Variants in GBE1 observed in about 807,000 individuals in gnomAD.
The protein encoded by GBE1 is 1,4-alpha-glucan-branching enzyme.
Under a neutral mutation model 88.8 loss-of-function variants are expected in GBE1, and 70 were observed. That is an observed-to-expected ratio of 0.79 (90% confidence interval 0.65 to 0.96). The LOEUF (loss-of-function observed/expected upper bound fraction) is 0.96. Ranked by LOEUF, GBE1 falls within the 40% of genes least tolerant of loss-of-function variation. The probability of loss-of-function intolerance (pLI) is 0.00; values close to 1 mark genes in which losing one functional copy is unlikely to be tolerated. For missense variants in GBE1, 872 were observed against 871.0 expected, an observed-to-expected ratio of 1.00 and a Z score of -0.01; for synonymous variants, 284 against 300.1, an observed-to-expected ratio of 0.95 and a Z score of 0.56.
intron 8 of GBE1, among the ~76,000 whole-genome samples, chr3:81,592,320 T>C (rs1261051611): frequency 6.6e-6 from 1 of 152,122 alleles, no homozygotes; most frequent in African/African-American, 2.4e-5. Flanking sequence ...CTGGCAACCA[T>C]CATTCAACTA....
At chr3:81,654,869 T>G (rs542786308) in intron 3 of GBE1, 1 of 152,320 alleles carries the variant, frequency 6.6e-6, no homozygotes, top group Admixed American at 6.5e-5. Flanking sequence ...TTTTGATATA[T>G]GTACACATAA....
At chr3:81,702,435 C>T (rs1420437402) in intron 2 of GBE1, among the ~76,000 whole-genome samples, 5 of 151,916 alleles carry the variant, frequency 3.3e-5, no homozygotes, top group African/African-American at 9.7e-5. Flanking sequence ...AAAAAGACAT[C>T]CTTTCTTCTA....
chr3:81,517,233 C>G (rs1029232103), intron 14 of GBE1, among the ~76,000 whole-genome samples: 6 of 151,502 alleles, frequency 4.0e-5, no homozygotes, highest in African/African-American at 1.5e-4. Flanking sequence ...CCATTAACAT[C>G]AAGGCAAGAG....
intron 14 of GBE1, among the ~76,000 whole-genome samples, chr3:81,518,949 G>A (rs1276715800): frequency 6.6e-6 from 1 of 151,546 alleles, no homozygotes; most frequent in East Asian, 1.9e-4. Context: ...TGGAAAACTA[G>A]AAAGTTGAGA....
intron 12 of GBE1, among the ~76,000 whole-genome samples, chr3:81,569,245 CTAATT>C (rs1370171320): frequency 1.3e-5 from 2 of 151,994 alleles, no homozygotes; most frequent in Non-Finnish European, 2.9e-5. Context: ...ATTAAAAAAA[CTAATT>C]TAAATGTAGG....
intron 1 of GBE1, among the ~76,000 whole-genome samples, chr3:81,710,132 T>A (rs1016680908): frequency 6.6e-6 from 1 of 151,752 alleles, no homozygotes; most frequent in African/African-American, 2.4e-5. Context: ...CACACATCAT[T>A]AATCACAAAA....
chr3:81,509,381 A>T (rs1409698102), intron 14 of GBE1: 3 of 151,218 alleles, frequency 2.0e-5, no homozygotes, highest in Non-Finnish European at 4.4e-5. Context: ...TCCTACCTGA[A>T]AATTAAATAC....
At chr3:81,519,466 C>T (rs1024454500) in intron 14 of GBE1, among the ~76,000 whole-genome samples, 2 of 151,222 alleles carry the variant, frequency 1.3e-5, no homozygotes, top group African/African-American at 4.8e-5. Context: ...CTATCATTTC[C>T]ACTCCCACCT....
intron 14 of GBE1, among the ~76,000 whole-genome samples, chr3:81,508,540 CT>C (rs1007799086): frequency 6.6e-6 from 1 of 152,058 alleles, no homozygotes; most frequent in Non-Finnish European, 1.5e-5. Context: ...AGACTCAACA[CT>C]TTTTTTAAAA....
At position 81,654,966 on chromosome 3, in the gene GBE1, C is replaced by T. The variant is rs1704910394; in HGVS notation, c.430-5045G>A. ...CACAGAGTATTTGCCAGCTGTTAATCCTTTAATAGCTGAGTTGTCCCGAGT... is the reference window on the plus strand; with the variant it reads ...CACAGAGTATTTGCCAGCTGTTAATTCTTTAATAGCTGAGTTGTCCCGAGT... On this transcript the variant is annotated intron_variant, in intron 3 of 15. Coordinates refer to ENST00000429644, the MANE Select transcript of GBE1 (RefSeq NM_000158.4). 2.0e-5 allele frequency: 3 copies of T among 152,064 alleles called. 1 individual carries two copies. Among genetic ancestry groups the T allele is most frequent in the Admixed American group, 2.0e-4 (3 of 15,264 alleles). 9.4% of individuals were successfully genotyped at this position (152,064 alleles called of 1,614,324 possible). A position where few individuals can be genotyped will look rare whatever the true frequency, so the allele number is the denominator to read the frequency against.
At position 81,686,992 on chromosome 3, in the gene GBE1, T is replaced by C. The variant is rs1055000971; in HGVS notation, c.314-16039A>G. ...TACTACACGGTCAGCATCACCCATA[T>C]TAATACATATTCATTTATTACAGTA... On this transcript the variant is annotated intron_variant, in intron 2 of 15. Transcript: ENST00000429644. Among the ~76,000 whole-genome samples, 13 of 152,184 alleles carry C rather than the reference T, an allele frequency of 8.5e-5. No individual in the cohort carries two copies. In the East Asian group the frequency reaches 2.5e-3, roughly 29 times the overall value.
chr3:81,652,639 T>G (rs1277232563), intron 3 of GBE1, among the ~76,000 whole-genome samples: 1 of 152,232 alleles, frequency 6.6e-6, no homozygotes, highest in Non-Finnish European at 1.5e-5. Context: ...TTTAGGCCCC[T>G]GGATTTTGCA....
intron 1 of GBE1, among the ~76,000 whole-genome samples, chr3:81,731,800 C>T (rs1449729904): frequency 6.6e-6 from 1 of 152,098 alleles, no homozygotes; most frequent in Non-Finnish European, 1.5e-5. Context: ...CCTGAGACCT[C>T]CCCAGCCATG....
rs181837352 is a variant in GBE1 at position 81,664,485 on chromosome 3, T to C, written c.429+6353A>G. On this transcript the variant is annotated intron_variant, in intron 3 of 15. Transcript: ENST00000429644. ...CTGCCAGCACTACGAAGACAAATAG[T>C]ACAGATATGTCCAAACCTGAGAGCA... Among the ~76,000 whole-genome samples the C allele has an allele frequency of 9.4e-3, 1,382 of 146,770 alleles. 24 individuals carry two copies. Among genetic ancestry groups the C allele is most frequent in the African/African-American group, 0.032 (1,301 of 40,160 alleles).
intron 2 of GBE1, among the ~76,000 whole-genome samples, chr3:81,688,570 A>G (rs1214313907): frequency 6.6e-6 from 1 of 152,174 alleles, no homozygotes; most frequent in Non-Finnish European, 1.5e-5. Context: ...TTCTTTTAAT[A>G]AGACTCCATT....
At chr3:81,606,419 G>T (rs1054956379) in intron 7 of GBE1, among the ~76,000 whole-genome samples, 2 of 152,224 alleles carry the variant, frequency 1.3e-5, no homozygotes, top group African/African-American at 4.8e-5. Flanking sequence ...TGAGAATAAT[G>T]ATTTATGTTC....
At chr3:81,666,770 AAC>A (rs1705119066) in intron 3 of GBE1, among the ~76,000 whole-genome samples, 1 of 152,304 alleles carries the variant, frequency 6.6e-6, no homozygotes, top group South Asian at 2.1e-4. Flanking sequence ...TCAAATACAG[AAC>A]TTATCTAGAA....
intron 5 of GBE1, among the ~76,000 whole-genome samples, 188 bp downstream of exon 5, chr3:81,648,664 CTCTA>C (rs1246668518): frequency 6.6e-6 from 1 of 152,008 alleles, no homozygotes; most frequent in African/African-American, 2.4e-5. Flanking sequence ...AATTCTTATG[CTCTA>C]TCTTATTCCA....
At chr3:81,575,143 C>T (rs1180198856) in intron 12 of GBE1, among the ~76,000 whole-genome samples, 11 of 144,990 alleles carry the variant, frequency 7.6e-5, no homozygotes, top group African/African-American at 2.1e-4. Context: ...CCAGCCTGGG[C>T]GACAGGGCGA....
Sources: gnomAD v4.1 joint callset for allele counts (sites outside exome capture counted in the v4.1 genomes callset) on GRCh38, gnomAD v4.1.1 for gene constraint, MANE v1.5 for transcripts, NCBI Gene and HGNC (gene_info 2026-07-23, HGNC 2026-07-21) for gene names.